Variants in FAAH2 observed in about 807,000 individuals in gnomAD.
FAAH2 encodes the protein fatty acid amide hydrolase 2, also known as fatty-acid amide hydrolase 2.
In FAAH2, 60 loss-of-function variants were observed where a neutral mutation model predicts 36.9. That is an observed-to-expected ratio of 1.63 (90% confidence interval 1.32 to 2.02). FAAH2 has a LOEUF of 2.02. Among genes scored for constraint, FAAH2 ranks in the 30% most tolerant of loss-of-function variants. The pLI, the probability that FAAH2 is intolerant of heterozygous loss-of-function variation, is 0.00. For missense variants in FAAH2, 689 were observed against 397.5 expected (o/e 1.73, Z -6.23); for synonymous variants, 214 against 143.8 (o/e 1.49, Z -3.49).
intron 3 of FAAH2, among the ~76,000 whole-genome samples, chrX:57,331,103 G>T (rs1476155260): frequency 9.0e-6 from 1 of 111,533 alleles, no homozygotes; most frequent in Non-Finnish European, 1.9e-5. Flanking sequence ...TCTAGCCTAG[G>T]GGCATGGGCA....
intron 7 of FAAH2, among the ~76,000 whole-genome samples, chrX:57,384,658 T>C (rs1225889000): frequency 9.1e-6 from 1 of 110,418 alleles, no homozygotes; most frequent in Non-Finnish European, 1.9e-5. Flanking sequence ...TGGCAATCAT[T>C]AAAAAGTCAG....
chrX:57,349,401 ATG>A (rs1237803598), intron 5 of FAAH2, among the ~76,000 whole-genome samples: 5 of 98,401 alleles, frequency 5.1e-5, no homozygotes, highest in Non-Finnish European at 8.0e-5. Context: ...ATATGTATAT[ATG>A]TGTGTATATA....
the FAAH2 span, among the ~76,000 whole-genome samples, chrX:57,245,221 G>T: frequency 9.8e-5 from 11 of 111,906 alleles, no homozygotes; most frequent in African/African-American, 3.6e-4. Context: ...GGAGCAACCA[G>T]ATTATAAACC....
chrX:57,131,455 A>G, the FAAH2 span, among the ~76,000 whole-genome samples: 2 of 112,069 alleles, frequency 1.8e-5, no homozygotes, highest in African/African-American at 3.2e-5. Context: ...TTATGGCCGT[A>G]CCAGAGATGT....
intron 8 of FAAH2, among the ~76,000 whole-genome samples, chrX:57,444,465 G>A (rs1246571721): frequency 8.9e-6 from 1 of 111,816 alleles, no homozygotes; most frequent in Non-Finnish European, 1.9e-5. Context: ...GAAAAGCACA[G>A]TATTAGGGTG....
At chrX:57,294,106 T>G (rs2052063784) in intron 2 of FAAH2, among the ~76,000 whole-genome samples, 1 of 112,012 alleles carries the variant, frequency 8.9e-6, no homozygotes, top group Admixed American at 9.5e-5. Context: ...AGATGAAAAA[T>G]ATGTGTAAAG....
intron 10 of FAAH2, among the ~76,000 whole-genome samples, chrX:57,449,337 T>C (rs939787200): frequency 2.7e-5 from 3 of 111,561 alleles, no homozygotes; most frequent in African/African-American, 6.5e-5. Context: ...CTTCATCAAA[T>C]ACACGTTCTC....
At chrX:57,300,597 A>C (rs2052326059) in intron 2 of FAAH2, among the ~76,000 whole-genome samples, 1 of 111,973 alleles carries the variant, frequency 8.9e-6, no homozygotes, top group African/African-American at 3.2e-5. Context: ...ACAAAAGCCA[A>C]AATTGACAAA....
the FAAH2 span, among the ~76,000 whole-genome samples, chrX:57,253,800 T>C: frequency 1.8e-5 from 2 of 111,384 alleles, no homozygotes; most frequent in African/African-American, 6.5e-5. Flanking sequence ...GAGCAACCCA[T>C]ACCAGCCACT....
rs765082560 is a variant in FAAH2, at chrX:57,413,949, G to A, written c.997-17969G>A. On this transcript the variant is annotated intron_variant, in intron 7 of 10. Transcript: ENST00000374900. ...ACATCCCTTGTAAGTTGTATTTGTA[G>A]GTATTTTATTCTCTTTGTACAAATT... Among the ~76,000 whole-genome samples the A allele has an allele frequency of 4.5e-5, 5 of 111,624 alleles. No homozygotes were observed. In the South Asian group the frequency reaches 1.1e-3, roughly 25 times the overall value.
chrX:57,417,342 T>C (rs938654855), intron 7 of FAAH2, among the ~76,000 whole-genome samples: 1 of 112,171 alleles, frequency 8.9e-6, no homozygotes, highest in Non-Finnish European at 1.9e-5. Context: ...CTTTGTGCTG[T>C]TTTTTCCTCA....
At chrX:57,172,643 G>T in the FAAH2 span, among the ~76,000 whole-genome samples, 1 of 111,936 alleles carries the variant, frequency 8.9e-6, no homozygotes, top group Non-Finnish European at 1.9e-5. Flanking sequence ...TTAATACAAG[G>T]TTTTATTGAG....
the FAAH2 span, among the ~76,000 whole-genome samples, chrX:57,253,506 T>A: frequency 9.0e-6 from 1 of 111,555 alleles, no homozygotes; most frequent in Non-Finnish European, 1.9e-5. Flanking sequence ...AAAATGTTAA[T>A]GGCAGCCGGA....
chrX:57,392,656 T>C, intron 7 of FAAH2: 1 of 673,738 alleles, frequency 1.5e-6, no homozygotes, highest in Non-Finnish European at 2.4e-6. Flanking sequence ...GAATGATCCA[T>C]TCACCTGTTC....
the FAAH2 span, among the ~76,000 whole-genome samples, chrX:57,194,437 C>A: frequency 9.1e-6 from 1 of 110,419 alleles, no homozygotes; most frequent in Non-Finnish European, 1.9e-5. Flanking sequence ...TGTCAATTTT[C>A]TTTAACTATT....
chrX:57,480,499 T>G (rs1477928640), intron 10 of FAAH2, among the ~76,000 whole-genome samples: 1 of 111,619 alleles, frequency 9.0e-6, no homozygotes, highest in Non-Finnish European at 1.9e-5. Context: ...CTTATGAAGC[T>G]TAGTTTGTTT....
intron 5 of FAAH2, among the ~76,000 whole-genome samples, chrX:57,366,294 A>T (rs760314842): frequency 1.8e-5 from 2 of 111,766 alleles, no homozygotes; most frequent in African/African-American, 3.3e-5. Context: ...CATCATTTTC[A>T]GATGCTTTCA....
chrX:57,450,981 A>G (rs1448369122), intron 10 of FAAH2, among the ~76,000 whole-genome samples: 1 of 111,689 alleles, frequency 9.0e-6, no homozygotes, highest in African/African-American at 3.3e-5. Context: ...TGAGTTTTAC[A>G]TGTTTCATCT....
chrX:57,155,325 G>A, the FAAH2 span, among the ~76,000 whole-genome samples: 5 of 111,507 alleles, frequency 4.5e-5, no homozygotes, highest in Non-Finnish European at 9.4e-5. Context: ...ACTCTCCTTG[G>A]GTGGAGCTTG....
Sources: gnomAD v4.1 joint callset for allele counts (sites outside exome capture counted in the v4.1 genomes callset) on GRCh38, gnomAD v4.1.1 for gene constraint, MANE v1.5 for transcripts, NCBI Gene and HGNC (gene_info 2026-07-23, HGNC 2026-07-21) for gene names.